The following LTBP2 variants were observed in gnomAD, a reference collection of about 807,000 sequenced individuals.
The protein encoded by LTBP2 is latent-transforming growth factor beta-binding protein 2.
LTBP2 carries 103 observed loss-of-function variants against 210.6 expected under a neutral mutation model. That is an observed-to-expected ratio of 0.49 (90% CI 0.42 to 0.58). The LOEUF (loss-of-function observed/expected upper bound fraction) is 0.58, where lower values mean the gene tolerates loss of function less well. Among genes scored for constraint, LTBP2 ranks in the 20% least tolerant of loss-of-function variants. The pLI is 0.00. For missense variants in LTBP2, 2,313 were observed against 2,494.5 expected, an observed-to-expected ratio of 0.93 and a Z score of 1.55; for synonymous variants, 1,007 against 1,015.0, an observed-to-expected ratio of 0.99 and a Z score of 0.15.
Position 74,500,654 on chromosome 14 carries a change from G to A in LTBP2, c.*230C>T, listed in dbSNP as rs117468792. ...AAAGGTGGTGGACAGGGCCTCATGC[G>A]GTGGCTGAAGCATTAAAGCGATTGG... On this transcript the variant is annotated 3_prime_UTR_variant, in exon 36 of 36. Transcript: ENST00000261978. 4.6e-5 allele frequency: 28 copies of A among 607,760 alleles called. No individual in the cohort carries two copies. Among genetic ancestry groups the A allele is most frequent in the Non-Finnish European group, 8.0e-5 (27 of 338,298 alleles). The allele number at this position is 607,760 out of a possible 1,614,324, so 37.6% of individuals were successfully genotyped here.
chr14:74,562,692 C>T (rs749019122), intron 3 of LTBP2, among the ~76,000 whole-genome samples: 1 of 152,040 alleles, frequency 6.6e-6, no homozygotes, highest in Non-Finnish European at 1.5e-5. Context: ...AAGGGATGTG[C>T]AAATGAAAAC....
At chr14:74,591,095 T>TG (rs1210921068) in intron 2 of LTBP2, among the ~76,000 whole-genome samples, 1 of 152,248 alleles carries the variant, frequency 6.6e-6, no homozygotes, top group East Asian at 1.9e-4. Context: ...CACTTAGCTC[T>TG]GGTTCTGCCT....
intron 16 of LTBP2, among the ~76,000 whole-genome samples, chr14:74,522,500 G>A (rs1445080670): frequency 6.6e-6 from 1 of 152,064 alleles, no homozygotes; most frequent in Non-Finnish European, 1.5e-5. Context: ...TTTGAGGGGT[G>A]GGCTGATCTC....
At position 74,583,127 on chromosome 14, in the gene LTBP2, C is replaced by T. The variant is rs561040950; in HGVS notation, c.830+2727G>A. Among the ~76,000 whole-genome samples the T allele has an allele frequency of 3.9e-5, 6 of 152,314 alleles. No individual in the cohort carries two copies. The East Asian group carries it at 1.2e-3, about 29-fold the overall frequency. On this transcript the variant is annotated intron_variant, in intron 3 of 35. Coordinates refer to ENST00000261978, the MANE Select transcript of LTBP2 (RefSeq NM_000428.3). Reference sequence around the variant, plus strand: ...GCTGCCTGGGACACTCCTGGCCTCTCCCTCTGGTCTTCCTCCAGGACACAA... The same window carrying T: ...GCTGCCTGGGACACTCCTGGCCTCTTCCTCTGGTCTTCCTCCAGGACACAA...
chr14:74,610,765 C>A (rs1209812049), intron 1 of LTBP2, among the ~76,000 whole-genome samples: 3 of 152,220 alleles, frequency 2.0e-5, no homozygotes, highest in Non-Finnish European at 4.4e-5. Flanking sequence ...CTTAGCCCTG[C>A]AACGCGCCCA....
chr14:74,551,318 T>C lies in LTBP2; in HGVS notation c.1432A>G (p.Ile478Val). 2 of 1,590,902 alleles carry C rather than the reference T, an allele frequency of 1.3e-6. No homozygotes were observed. The highest frequency in any genetic ancestry group is 2.3e-5 in the East Asian group (1 of 44,360). ...ACTGAGGCCTCGGGTGGGTGGTGAA[T>C]GTGCACCTTCACCAGGGAGGGGTTC... The part of the protein sequence containing the change: ...SVNPSLVKVH[I>V]HHPPEASVQI... The change falls in exon 7 of 36, where the codon ATT (isoleucine) becomes GTT (valine). Residue 478 changes from isoleucine (I) to valine (V), a missense_variant. This residue lies in a region of LTBP2 where 1,867 missense variants were observed against 1,976.9 expected (regional missense o/e 0.94). Coordinates refer to ENST00000261978, the MANE Select transcript of LTBP2 (RefSeq NM_000428.3).
chr14:74,508,966 C>T lies in LTBP2; in HGVS notation c.3404-14G>A. The T allele has an allele frequency of 6.2e-7, 1 of 1,612,986 alleles. No individual in the cohort carries two copies. Among genetic ancestry groups the T allele is most frequent in the Non-Finnish European group, 8.5e-7 (1 of 1,179,772 alleles). On this transcript the variant is annotated splice_polypyrimidine_tract_variant and intron_variant, in intron 22 of 35. Transcript: ENST00000261978. Reference sequence around the variant, plus strand: ...ATTCATCCACATCTGCAGGGCCACACAGGGGAGGAAGACAGCCGATGGCAG... The same window carrying T: ...ATTCATCCACATCTGCAGGGCCACATAGGGGAGGAAGACAGCCGATGGCAG...
At chr14:74,607,352 C>A (rs1200959466) in intron 1 of LTBP2, among the ~76,000 whole-genome samples, 2 of 152,134 alleles carry the variant, frequency 1.3e-5, no homozygotes, top group African/African-American at 4.8e-5. Context: ...TTCAATTTTC[C>A]TACAGTTATC....
chr14:74,519,575 G>T (rs906474986), intron 17 of LTBP2, among the ~76,000 whole-genome samples: 5 of 151,560 alleles, frequency 3.3e-5, no homozygotes, highest in African/African-American at 1.2e-4. Flanking sequence ...AAATCATTGA[G>T]GTAATGAGAT....
chr14:74,508,983 C>T lies in LTBP2; in HGVS notation c.3404-31G>A, dbSNP rs377398345. On this transcript the variant is annotated intron_variant, in intron 22 of 35. Coordinates refer to ENST00000261978, the MANE Select transcript of LTBP2 (RefSeq NM_000428.3). ...GGGCCACACAGGGGAGGAAGACAGC[C>T]GATGGCAGCACCTCCCAAGGACAGG... 1,235 of 1,611,512 alleles carry T rather than the reference C, an allele frequency of 7.7e-4. 2 individuals are homozygous for T. Among genetic ancestry groups the T allele is most frequent in the Non-Finnish European group, 9.7e-4 (1,138 of 1,179,104 alleles).
At chr14:74,564,355 T>A (rs1223641396) in intron 3 of LTBP2, among the ~76,000 whole-genome samples, 5 of 6,722 alleles carry the variant, frequency 7.4e-4, no homozygotes, top group Admixed American at 3.7e-3. Context: ...TTATATATAT[T>A]TATATATATA....
chr14:74,527,910 A>T (rs1324458921), intron 12 of LTBP2, among the ~76,000 whole-genome samples: 1 of 152,160 alleles, frequency 6.6e-6, no homozygotes, highest in African/African-American at 2.4e-5. Flanking sequence ...TTGACCAATC[A>T]CATAGTTTGC....
intron 8 of LTBP2, among the ~76,000 whole-genome samples, chr14:74,542,300 G>T (rs2087518200): frequency 6.6e-6 from 1 of 152,214 alleles, no homozygotes; most frequent in Admixed American, 6.5e-5. Flanking sequence ...GCTGCAGCCT[G>T]CCCCTGCCCT....
At chr14:74,515,448 G>A (rs2087123570) in intron 18 of LTBP2, among the ~76,000 whole-genome samples, 1 of 151,918 alleles carries the variant, frequency 6.6e-6, no homozygotes, top group African/African-American at 2.4e-5. Context: ...GTAGAGACAG[G>A]GTTTCACCAC....
intron 25 of LTBP2, among the ~76,000 whole-genome samples, 193 bp downstream of exon 25, chr14:74,507,780 C>T (rs2087009478): frequency 6.6e-6 from 1 of 152,228 alleles, no homozygotes; most frequent in Admixed American, 6.5e-5. Context: ...GTGTGCTCTG[C>T]CAGCACGAAG....
chr14:74,561,793 G>C (rs2087797282), intron 3 of LTBP2, among the ~76,000 whole-genome samples: 1 of 152,176 alleles, frequency 6.6e-6, no homozygotes, highest in Admixed American at 6.5e-5. Flanking sequence ...CTGTGTTGGA[G>C]AGCAGAGGTA....
chr14:74,520,361 C>T (rs987549066), intron 17 of LTBP2, among the ~76,000 whole-genome samples: 1 of 152,154 alleles, frequency 6.6e-6, no homozygotes, highest in Non-Finnish European at 1.5e-5. Flanking sequence ...GGTTTGAGGC[C>T]CCTGGGTATT....
intron 18 of LTBP2, among the ~76,000 whole-genome samples, chr14:74,513,242 C>T (rs1028701616): frequency 2.0e-5 from 3 of 152,222 alleles, no homozygotes; most frequent in African/African-American, 7.2e-5. Flanking sequence ...GGCATTCCAG[C>T]TCTCCACTTT....
rs146610379 is a variant in LTBP2 at position 74,581,086 on chromosome 14, G to A, written c.830+4768C>T. The stretch of plus-strand genomic sequence containing the variant: ...GGCAGAGCAGAAGCAGGATGAACAC[G>A]GGCTGTGAGTGGTGAGGGTGGACAC... On this transcript the variant is annotated intron_variant, in intron 3 of 35. Coordinates refer to ENST00000261978, the MANE Select transcript of LTBP2 (RefSeq NM_000428.3). 1.1e-4 allele frequency among the ~76,000 whole-genome samples: 17 copies of A among 152,348 alleles called. No individual in the cohort carries two copies. In the East Asian group the frequency reaches 2.3e-3, roughly 21 times the overall value.
Sources: gnomAD v4.1 joint callset for allele counts (sites outside exome capture counted in the v4.1 genomes callset) on GRCh38, gnomAD v4.1.1 for gene constraint, gnomAD v4.1.1 regional missense constraint, MANE v1.5 for transcripts, NCBI Gene and HGNC (gene_info 2026-07-23, HGNC 2026-07-21) for gene names.